CNNM2: variants seen among roughly 807,000 people sequenced by gnomAD.
CNNM2 encodes the protein metal transporter CNNM2.
CNNM2 carries 12 observed loss-of-function variants against 66.9 expected under a neutral mutation model. The ratio of observed to expected loss-of-function variants is 0.18; its 90% CI spans 0.11 to 0.29. The LOEUF is 0.29. Ranked by LOEUF, CNNM2 falls within the 10% of genes least tolerant of loss-of-function variation. The pLI, the probability that CNNM2 is intolerant of heterozygous loss-of-function variation, is 1.00. For missense variants in CNNM2, 705 were observed against 1,167.7 expected (o/e 0.60, Z 5.77); for synonymous variants, 557 against 501.8 (o/e 1.11, Z -1.47).
chr10:103,063,184 C>T (rs2065417633), intron 4 of CNNM2, among the ~76,000 whole-genome samples: 1 of 152,184 alleles, frequency 6.6e-6, no homozygotes, highest in Non-Finnish European at 1.5e-5. Context: ...AGCAAACTTG[C>T]TGAGTCTGGC....
At chr10:103,035,718 G>T (rs2064924648) in intron 1 of CNNM2, among the ~76,000 whole-genome samples, 1 of 152,196 alleles carries the variant, frequency 6.6e-6, no homozygotes, top group African/African-American at 2.4e-5. Flanking sequence ...AAAGGAGTGG[G>T]TGGTGGTGGG....
At chr10:103,009,042 C>A (rs1032617587) in intron 1 of CNNM2, among the ~76,000 whole-genome samples, 1 of 152,042 alleles carries the variant, frequency 6.6e-6, no homozygotes, top group African/African-American at 2.4e-5. Flanking sequence ...TTTGGGAGGC[C>A]GAGGCAGGCG....
chr10:102,973,826 C>G lies in CNNM2; in HGVS notation c.1621+53725C>G, dbSNP rs530917788. On this transcript the variant is annotated intron_variant, in intron 1 of 7. Transcript: ENST00000369878. ...CATCTTTTCATGTATTCCCCCCCCC[C>G]CTTTTTTAAAACAACATCATCTTGT... Among the ~76,000 whole-genome samples the G allele has an allele frequency of 1.6e-3, 246 of 149,372 alleles. 1 individual carries two copies. Among genetic ancestry groups the G allele is most frequent in the South Asian group, 4.9e-3 (22 of 4,506 alleles).
intron 1 of CNNM2, among the ~76,000 whole-genome samples, chr10:102,935,605 A>ATTT (rs34763981): frequency 7.8e-5 from 10 of 128,058 alleles, no homozygotes; most frequent in Non-Finnish European, 1.1e-4. Context: ...TTAAAAAAAA[A>ATTT]TTTTTTTTTT....
chr10:103,012,592 G>A (rs2064364649), intron 1 of CNNM2, among the ~76,000 whole-genome samples: 1 of 151,506 alleles, frequency 6.6e-6, no homozygotes, highest in Admixed American at 6.6e-5. Context: ...AGGTTGCAGT[G>A]AGCCGAGATT....
rs144104235 is a variant in CNNM2 at position 102,976,492 on chromosome 10, G to C, written c.1621+56391G>C. 1.6e-3 allele frequency among the ~76,000 whole-genome samples: 236 copies of C among 145,986 alleles called. 1 individual carries two copies. The highest frequency in any genetic ancestry group is 5.5e-3 in the African/African-American group (217 of 39,352). ...TCTGTCACCCAGGCTGGAGTGCAGG[G>C]GTGTGATTGCAGCTTAGATTGCAGC... On this transcript the variant is annotated intron_variant, in intron 1 of 7. Coordinates refer to ENST00000369878, the MANE Select transcript of CNNM2 (RefSeq NM_017649.5).
At chr10:102,968,242 G>GTT (rs1256971223) in intron 1 of CNNM2, among the ~76,000 whole-genome samples, 2 of 151,956 alleles carry the variant, frequency 1.3e-5, no homozygotes, top group African/African-American at 2.4e-5. Flanking sequence ...TGTTGTTGTT[G>GTT]TTGTTTTGTT....
intron 1 of CNNM2, among the ~76,000 whole-genome samples, chr10:103,033,788 C>T (rs2064876267): frequency 6.6e-6 from 1 of 152,122 alleles, no homozygotes; most frequent in South Asian, 2.1e-4. Flanking sequence ...CCCAGCCCTT[C>T]TACACATTTT....
intron 1 of CNNM2, among the ~76,000 whole-genome samples, chr10:102,983,145 C>G (rs1327822676): frequency 6.6e-6 from 1 of 151,498 alleles, no homozygotes; most frequent in Non-Finnish European, 1.5e-5. Flanking sequence ...AATTTCCTCC[C>G]AGGATTGAAA....
intron 1 of CNNM2, among the ~76,000 whole-genome samples, chr10:103,003,116 C>CT (rs34041397): frequency 0.95 from 135,659 of 142,120 alleles, 64,723 homozygotes; most frequent in East Asian, 0.99. Flanking sequence ...ATGTGTGAAT[C>CT]TTTTTTTTTT....
intron 1 of CNNM2, among the ~76,000 whole-genome samples, chr10:102,963,351 C>A (rs1428206674): frequency 6.6e-6 from 1 of 152,170 alleles, no homozygotes; most frequent in Admixed American, 6.6e-5. Flanking sequence ...ATGCCTTGCC[C>A]TTTGACTGAC....
chr10:103,047,320 G>A (rs967078804), intron 1 of CNNM2, among the ~76,000 whole-genome samples: 36 of 152,146 alleles, frequency 2.4e-4, no homozygotes, highest in Middle Eastern at 3.2e-3. Context: ...TCTGCAGGAG[G>A]CCTGACCAGT....
intron 1 of CNNM2, among the ~76,000 whole-genome samples, chr10:103,044,507 G>C (rs1361753216): frequency 6.6e-6 from 1 of 151,472 alleles, no homozygotes; most frequent in Non-Finnish European, 1.5e-5. Flanking sequence ...AGTGAGCTAC[G>C]ATCATGCCAC....
intron 1 of CNNM2, chr10:102,920,965 T>G (rs1442156594): frequency 2.5e-6 from 1 of 406,242 alleles, no homozygotes; most frequent in East Asian, 1.6e-4. Context: ...GGCTTATTTA[T>G]TTCTTGACTC....
chr10:102,971,959 GGTT>G (rs1246344717), intron 1 of CNNM2, among the ~76,000 whole-genome samples: 1 of 151,804 alleles, frequency 6.6e-6, no homozygotes, highest in Admixed American at 6.6e-5. Context: ...TTTTTCTTTG[GGTT>G]GTTTGTGTCT....
chr10:102,968,466 C>G (rs144583501), intron 1 of CNNM2, among the ~76,000 whole-genome samples: 1 of 152,054 alleles, frequency 6.6e-6, no homozygotes, highest in African/African-American at 2.4e-5. Flanking sequence ...AGGCTTGTCT[C>G]GAACTCCTAA....
At chr10:102,949,424 C>T (rs2134189293) in intron 1 of CNNM2, among the ~76,000 whole-genome samples, 1 of 151,968 alleles carries the variant, frequency 6.6e-6, no homozygotes, top group South Asian at 2.1e-4. Flanking sequence ...ATCCGCCTGC[C>T]TCAGCCTCCC....
At chr10:103,043,869 C>T (rs773656917) in intron 1 of CNNM2, among the ~76,000 whole-genome samples, 9 of 152,098 alleles carry the variant, frequency 5.9e-5, no homozygotes, top group Admixed American at 1.3e-4. Context: ...TGAAAACAGG[C>T]CTGTTTAGAT....
At chr10:102,982,610 T>C (rs1010630759) in intron 1 of CNNM2, among the ~76,000 whole-genome samples, 1 of 152,212 alleles carries the variant, frequency 6.6e-6, no homozygotes, top group Non-Finnish European at 1.5e-5. Context: ...AAAGCTTTGA[T>C]GGGTAGTTAG....
Sources: allele counts gnomAD v4.1 joint callset (sites outside exome capture counted in the v4.1 genomes callset), GRCh38; gene constraint gnomAD v4.1.1; transcripts MANE v1.5; gene names NCBI Gene and HGNC (gene_info 2026-07-23, HGNC 2026-07-21).